NPSR1: variants seen among roughly 807,000 people sequenced by gnomAD.
The protein encoded by NPSR1 is neuropeptide S receptor.
Under a neutral mutation model 46.9 loss-of-function variants are expected in NPSR1, and 48 were observed. That is an observed-to-expected ratio of 1.02 (90% CI 0.81 to 1.30). The LOEUF is 1.30. Among genes scored for constraint, NPSR1 ranks in the 50% most tolerant of loss-of-function variants. NPSR1 has a pLI of 0.00. For synonymous variants in NPSR1, 176 were observed against 168.1 expected, an observed-to-expected ratio of 1.05 and a Z score of -0.36; for missense variants, 450 against 449.5, an observed-to-expected ratio of 1.00 and a Z score of -0.01.
At chr7:34,665,508 T>A (rs962845430) in intron 1 of NPSR1, among the ~76,000 whole-genome samples, 1 of 152,168 alleles carries the variant, frequency 6.6e-6, no homozygotes, top group Non-Finnish European at 1.5e-5. Context: ...CCTTTCACAT[T>A]CTGACCCAAT....
chr7:34,717,809 C>T (rs1783653892), intron 2 of NPSR1, among the ~76,000 whole-genome samples: 1 of 152,206 alleles, frequency 6.6e-6, no homozygotes, highest in Non-Finnish European at 1.5e-5. Context: ...GCCTGAGCTC[C>T]ATCACCAAAG....
At chr7:34,688,554 CCTCCA>C (rs1203449776) in intron 2 of NPSR1, among the ~76,000 whole-genome samples, 9 of 152,138 alleles carry the variant, frequency 5.9e-5, no homozygotes, top group Non-Finnish European at 1.2e-4. Flanking sequence ...AGTGGCAGTT[CCTCCA>C]CTCCACACCT....
chr7:34,683,482 G>A (rs1181880315), intron 1 of NPSR1, among the ~76,000 whole-genome samples: 1 of 151,828 alleles, frequency 6.6e-6, no homozygotes, highest in Non-Finnish European at 1.5e-5. Flanking sequence ...AGGACTGTCA[G>A]ATTCATAGCA....
intron 3 of NPSR1, among the ~76,000 whole-genome samples, chr7:34,780,481 A>G (rs1787182144): frequency 6.6e-6 from 1 of 152,200 alleles, no homozygotes; most frequent in African/African-American, 2.4e-5. Context: ...TCTCTCTTCT[A>G]TAAAGGAAGC....
At chr7:34,818,657 G>A (rs1178064985) in intron 4 of NPSR1, among the ~76,000 whole-genome samples, 1 of 152,178 alleles carries the variant, frequency 6.6e-6, no homozygotes, top group African/African-American at 2.4e-5. Flanking sequence ...CAAGCTACCT[G>A]ACTTCAAACT....
chr7:34,847,399 A>G (rs1004878262), intron 7 of NPSR1, among the ~76,000 whole-genome samples: 107 of 134,374 alleles, frequency 8.0e-4, no homozygotes, highest in African/African-American at 2.8e-3. Context: ...TCCAGAGGAA[A>G]ATGAGAGAGA....
chr7:34,720,526 A>C (rs1203487317), intron 2 of NPSR1, among the ~76,000 whole-genome samples: 5 of 152,142 alleles, frequency 3.3e-5, no homozygotes, highest in Admixed American at 3.3e-4. Context: ...TAAAGCCCTG[A>C]ATATGTGAGT....
intron 3 of NPSR1, among the ~76,000 whole-genome samples, chr7:34,804,973 T>C (rs1160323975): frequency 1.3e-5 from 2 of 151,620 alleles, no homozygotes; most frequent in Non-Finnish European, 2.9e-5. Context: ...TAGGTGTAAA[T>C]CTAACAAAAT....
intron 1 of NPSR1, among the ~76,000 whole-genome samples, chr7:34,678,302 A>G (rs898454120): frequency 2.1e-5 from 3 of 145,400 alleles, no homozygotes; most frequent in African/African-American, 7.7e-5. Context: ...GCTCACTGCA[A>G]CCTCCGCCTC....
intron 3 of NPSR1, among the ~76,000 whole-genome samples, chr7:34,810,309 C>T (rs2128750543): frequency 6.6e-6 from 1 of 152,318 alleles, no homozygotes; most frequent in Non-Finnish European, 1.5e-5. Context: ...AAAATGTCCA[C>T]CTTGATCATC....
At chr7:34,677,772 C>T (rs939620098) in intron 1 of NPSR1, among the ~76,000 whole-genome samples, 7 of 152,138 alleles carry the variant, frequency 4.6e-5, no homozygotes, top group African/African-American at 7.2e-5. Context: ...GAGGCTGGGG[C>T]CATCTCCAGT....
chr7:34,802,031 G>C (rs62462935), intron 3 of NPSR1, among the ~76,000 whole-genome samples: 18,677 of 149,222 alleles, frequency 0.13, 1,617 homozygotes, highest in Non-Finnish European at 0.17. Flanking sequence ...CCTCTTCAAG[G>C]AGAACTACAA....
chr7:34,818,751 C>T (rs1427719549), intron 4 of NPSR1, among the ~76,000 whole-genome samples: 1 of 152,118 alleles, frequency 6.6e-6, no homozygotes, highest in African/African-American at 2.4e-5. Context: ...ACAGAGCCCT[C>T]AGACATAACA....
chr7:34,666,735 G>GC (rs1050432713), intron 1 of NPSR1, among the ~76,000 whole-genome samples: 104 of 152,118 alleles, frequency 6.8e-4, no homozygotes, highest in African/African-American at 2.4e-3. Context: ...TTAAAACATG[G>GC]CCCCCAGAGA....
At chr7:34,695,605 A>C (rs1793479319) in intron 2 of NPSR1, among the ~76,000 whole-genome samples, 1 of 152,146 alleles carries the variant, frequency 6.6e-6, no homozygotes, top group South Asian at 2.1e-4. Context: ...ACAAATCAAC[A>C]AGAAAGAACA....
chr7:34,660,127 A>G (rs1219715388), intron 1 of NPSR1: 1 of 456,738 alleles, frequency 2.2e-6, no homozygotes, highest in Non-Finnish European at 4.4e-6. Context: ...TCCTAGCAAC[A>G]TCATCGCCAG....
At chr7:34,865,531 A>G (rs1306074812) in intron 8 of NPSR1, among the ~76,000 whole-genome samples, 1 of 151,678 alleles carries the variant, frequency 6.6e-6, no homozygotes, top group African/African-American at 2.4e-5. Context: ...TAAAATAATC[A>G]CAGCGCCACA....
intron 3 of NPSR1, among the ~76,000 whole-genome samples, chr7:34,792,377 G>T (rs962757856): frequency 6.6e-6 from 1 of 151,196 alleles, no homozygotes; most frequent in African/African-American, 2.4e-5. Flanking sequence ...TTAAAAAATA[G>T]TACCAGGCAT....
intron 2 of NPSR1, among the ~76,000 whole-genome samples, chr7:34,692,324 TA>T (rs1245383556): frequency 2.0e-5 from 3 of 151,954 alleles, no homozygotes; most frequent in Non-Finnish European, 4.4e-5. Context: ...CTCAATAAAT[TA>T]AAAAAAACTG....
Sources: allele counts gnomAD v4.1 joint callset (sites outside exome capture counted in the v4.1 genomes callset), GRCh38; gene constraint gnomAD v4.1.1; transcripts MANE v1.5; gene names NCBI Gene and HGNC (gene_info 2026-07-23, HGNC 2026-07-21).